MAGI1: variants seen among roughly 807,000 people sequenced by gnomAD.
MAGI1 encodes the protein membrane associated guanylate kinase, WW and PDZ domain containing 1.
In MAGI1, 58 loss-of-function variants were observed where a neutral mutation model predicts 139.9. The ratio of observed to expected loss-of-function variants is 0.41; its 90% CI spans 0.34 to 0.52. MAGI1 has a LOEUF of 0.52. Ranked by LOEUF, MAGI1 falls within the 20% of genes least tolerant of loss-of-function variation. MAGI1 has a pLI of 0.12. For synonymous variants in MAGI1, 812 were observed against 737.9 expected (o/e 1.10, Z -1.63); for missense variants, 1,874 against 1,901.6 (o/e 0.99, Z 0.27).
intron 10 of MAGI1, among the ~76,000 whole-genome samples, chr3:65,436,125 A>G (rs1452609213): frequency 6.6e-6 from 1 of 152,204 alleles, no homozygotes; most frequent in Non-Finnish European, 1.5e-5. Context: ...ATAAATTGAT[A>G]CTAATTCTAA....
At chr3:65,419,894 G>A (rs932642348) in intron 12 of MAGI1, among the ~76,000 whole-genome samples, 9 of 152,116 alleles carry the variant, frequency 5.9e-5, no homozygotes, top group African/African-American at 1.9e-4. Flanking sequence ...AGCCTAACAT[G>A]TCTACCCTTT....
intron 1 of MAGI1, among the ~76,000 whole-genome samples, chr3:65,703,017 A>G (rs1159894050): frequency 1.3e-5 from 2 of 151,886 alleles, no homozygotes; most frequent in African/African-American, 4.8e-5. Context: ...CAGAATCTGG[A>G]GCAGAGACAC....
chr3:65,521,243 G>A (rs946972229), intron 2 of MAGI1, among the ~76,000 whole-genome samples: 1 of 151,336 alleles, frequency 6.6e-6, no homozygotes, highest in African/African-American at 2.4e-5. Context: ...ATAGAGAACT[G>A]ATTTTTAACA....
intron 1 of MAGI1, among the ~76,000 whole-genome samples, chr3:66,015,596 G>T (rs1216885518): frequency 6.6e-6 from 1 of 152,190 alleles, no homozygotes; most frequent in Non-Finnish European, 1.5e-5. Flanking sequence ...ATGGCATAGA[G>T]TAAGGGGTAC....
chr3:65,457,768 C>T (rs1949501136), intron 5 of MAGI1, among the ~76,000 whole-genome samples: 1 of 152,094 alleles, frequency 6.6e-6, no homozygotes, highest in South Asian at 2.1e-4. Flanking sequence ...AAGTGACCAT[C>T]TCCCTCAAGC....
At chr3:65,464,333 T>C (rs1454824326) in intron 5 of MAGI1, among the ~76,000 whole-genome samples, 1 of 152,178 alleles carries the variant, frequency 6.6e-6, no homozygotes, top group Non-Finnish European at 1.5e-5. Context: ...GTTTAGATTG[T>C]TAATTTGAGA....
chr3:66,028,531 C>CCTCCTAA (rs536576552), intron 1 of MAGI1, among the ~76,000 whole-genome samples: 85,106 of 151,192 alleles, frequency 0.56, 25,328 homozygotes, highest in East Asian at 0.86. Context: ...CCACTGCTTC[C>CCTCCTAA]CCAGCCATTC....
intron 1 of MAGI1, among the ~76,000 whole-genome samples, chr3:65,819,684 C>G (rs2041824219): frequency 6.6e-6 from 1 of 151,666 alleles, no homozygotes; most frequent in African/African-American, 2.4e-5. Flanking sequence ...CGAGACCATC[C>G]TGACCAACAT....
At chr3:65,927,517 C>A (rs976290704) in intron 1 of MAGI1, among the ~76,000 whole-genome samples, 1 of 152,206 alleles carries the variant, frequency 6.6e-6, no homozygotes, top group Non-Finnish European at 1.5e-5. Context: ...GAAAACATTG[C>A]TTCAAGCAGC....
At chr3:65,468,367 CTTTTTTTTTTTTTT>C (rs71102860) in intron 5 of MAGI1, among the ~76,000 whole-genome samples, 1 of 61,366 alleles carries the variant, frequency 1.6e-5, no homozygotes, top group South Asian at 8.6e-4. Context: ...AGAGGGTATT[CTTTTTTTTTTTTTT>C]TTTTTTTTTT....
rs2078968995 is a variant in MAGI1 at position 65,536,643 on chromosome 3, A to C, written c.431-43012T>G. Among the ~76,000 whole-genome samples the C allele has an allele frequency of 2.0e-5, 3 of 152,198 alleles. No homozygotes were observed. The South Asian group carries it at 6.2e-4, about 32-fold the overall frequency. On this transcript the variant is annotated intron_variant, in intron 2 of 22. Coordinates refer to ENST00000402939, the MANE Select transcript of MAGI1 (RefSeq NM_001033057.2). ...AGGTGCATGTGACCCTGAGCAAGCTAATCAGCATGATCCATTCTCTAGTCA... is the reference window on the plus strand; with the variant it reads ...AGGTGCATGTGACCCTGAGCAAGCTCATCAGCATGATCCATTCTCTAGTCA...
intron 2 of MAGI1, among the ~76,000 whole-genome samples, chr3:65,600,842 C>T (rs2082449433): frequency 6.6e-6 from 1 of 152,208 alleles, no homozygotes; most frequent in South Asian, 2.1e-4. Flanking sequence ...AAAGTGACCA[C>T]TTGCGAGGCA....
intron 1 of MAGI1, among the ~76,000 whole-genome samples, chr3:65,881,923 C>T (rs550998355): frequency 2.0e-5 from 3 of 152,284 alleles, no homozygotes; most frequent in African/African-American, 7.2e-5. Flanking sequence ...CTAGGCAGTG[C>T]CCATCCAAGG....
chr3:65,585,625 G>A (rs1018557578), intron 2 of MAGI1, among the ~76,000 whole-genome samples: 1 of 152,038 alleles, frequency 6.6e-6, no homozygotes, highest in African/African-American at 2.4e-5. Context: ...TTATAAAGTT[G>A]GACATATATG....
intron 2 of MAGI1, among the ~76,000 whole-genome samples, chr3:65,509,511 G>A (rs755925987): frequency 7.6e-4 from 116 of 152,214 alleles, no homozygotes; most frequent in Admixed American, 1.4e-3. Context: ...AGGGGCCAGG[G>A]AGTTCCCTTT....
Position 65,460,316 on chromosome 3 carries a change from T to C in MAGI1, c.960-6976A>G, listed in dbSNP as rs1286078472. Among the ~76,000 whole-genome samples the C allele has an allele frequency of 2.6e-5, 4 of 152,336 alleles. No individual in the cohort carries two copies. The East Asian group carries it at 5.8e-4, about 22-fold the overall frequency. On this transcript the variant is annotated intron_variant, in intron 5 of 22. Coordinates refer to ENST00000402939, the MANE Select transcript of MAGI1 (RefSeq NM_001033057.2). ...GATTTTTGCATTTATGCCTTTTTTG[T>C]ACTGTGTTTAGTTTTGTTATCAAGG...
chr3:65,786,608 A>ATTTTTTTTTTTTTTTTTT (rs34768515), intron 1 of MAGI1, among the ~76,000 whole-genome samples: 2 of 128,374 alleles, frequency 1.6e-5, no homozygotes, highest in African/African-American at 3.0e-5. Context: ...TGGCCCAAGA[A>ATTTTTTTTTTTTTTTTTT]TTTTTTTTTT....
rs1262336736 is a variant in MAGI1 at position 65,465,002 on chromosome 3, T to TAA, written c.959+5279_959+5280dup. 1.6e-3 allele frequency among the ~76,000 whole-genome samples: 231 copies of TAA among 146,312 alleles called. 1 individual carries two copies. Among genetic ancestry groups the TAA allele is most frequent in the African/African-American group, 4.4e-3 (180 of 40,654 alleles). ...CACACATTTTATATATATATATATA[T>TAA]AATCTATAAATATATTTTATATATC... On this transcript the variant is annotated intron_variant, in intron 5 of 22. Transcript: ENST00000402939.
intron 2 of MAGI1, among the ~76,000 whole-genome samples, chr3:65,573,243 CATT>C (rs1423186378): frequency 3.3e-5 from 5 of 151,810 alleles, no homozygotes; most frequent in Non-Finnish European, 7.4e-5. Flanking sequence ...TATTTAAAAT[CATT>C]AGAACAAAAA....
Sources: gnomAD v4.1 joint callset for allele counts (sites outside exome capture counted in the v4.1 genomes callset) on GRCh38, gnomAD v4.1.1 for gene constraint, MANE v1.5 for transcripts, NCBI Gene and HGNC (gene_info 2026-07-23, HGNC 2026-07-21) for gene names.